Variants in MAN2B2 observed in about 807,000 individuals in gnomAD.
MAN2B2 encodes mannosidase alpha class 2B member 2, also known as epididymis-specific alpha-mannosidase.
Under a neutral mutation model 117.1 loss-of-function variants are expected in MAN2B2, and 106 were observed. The ratio of observed to expected loss-of-function variants is 0.90; its 90% CI spans 0.77 to 1.06. MAN2B2 has a LOEUF of 1.06. Ranked by LOEUF, MAN2B2 falls within the 50% of genes least tolerant of loss-of-function variation. The pLI is 0.00. For synonymous variants in MAN2B2, 544 were observed against 595.1 expected, an observed-to-expected ratio of 0.91 and a Z score of 1.25; for missense variants, 1,326 against 1,381.4, an observed-to-expected ratio of 0.96 and a Z score of 0.64.
At position 6,609,249 on chromosome 4, in the gene MAN2B2, G is replaced by A; in HGVS notation, c.1957G>A (p.Glu653Lys). The A allele has an allele frequency of 6.2e-7, 1 of 1,614,240 alleles. No individual in the cohort carries two copies. The highest frequency in any genetic ancestry group is 1.3e-5 in the African/African-American group (1 of 75,066). The change falls in exon 12 of 19, where the codon GAG (glutamate) becomes AAG (lysine). Residue 653 changes from glutamate to lysine, a missense_variant. By Grantham distance (56) the Glu-to-Lys change is moderately conservative (BLOSUM62 1). Transcript: ENST00000285599. ...GCCTGCGTGGGAAGCTGTGGAAATGGAGATTGTGGCGGGACAGCTTGTGAC... is the reference window on the plus strand; with the variant it reads ...GCCTGCGTGGGAAGCTGTGGAAATGAAGATTGTGGCGGGACAGCTTGTGAC... ...AVPAWEAVEM[E>K]IVAGQLVTEI...
intron 16 of MAN2B2, among the ~76,000 whole-genome samples, chr4:6,614,613 C>T (rs957799528): frequency 6.6e-6 from 1 of 152,176 alleles, no homozygotes; most frequent in Non-Finnish European, 1.5e-5. Flanking sequence ...CTCAGCCTGC[C>T]ACCCCCAGCT....
chr4:6,596,533 C>A (rs1366759130), intron 7 of MAN2B2, among the ~76,000 whole-genome samples: 1 of 152,136 alleles, frequency 6.6e-6, no homozygotes, highest in Non-Finnish European at 1.5e-5. Flanking sequence ...CCTGCATGGG[C>A]CCTGGGCATC....
At chr4:6,600,859 CTTTG>C in intron 10 of MAN2B2, 103 bp downstream of exon 10, 1 of 1,388,862 alleles carries the variant, frequency 7.2e-7, no homozygotes, top group Non-Finnish European at 9.7e-7. Flanking sequence ...GCCTTATCAC[CTTTG>C]TTTTACAGAA....
chr4:6,584,959 C>T (rs192723052), intron 3 of MAN2B2, among the ~76,000 whole-genome samples: 5 of 152,260 alleles, frequency 3.3e-5, no homozygotes, highest in Middle Eastern at 3.4e-3. Flanking sequence ...GGTGCGAGGC[C>T]GTACCCTCCA....
chr4:6,615,348 C>T (rs1019927592), intron 16 of MAN2B2, among the ~76,000 whole-genome samples: 2 of 152,170 alleles, frequency 1.3e-5, no homozygotes, highest in Admixed American at 6.5e-5. Context: ...CTGTGTGGGA[C>T]ACAGGAGGCC....
At chr4:6,583,554 T>C (rs1726523644) in intron 3 of MAN2B2, among the ~76,000 whole-genome samples, 1 of 152,178 alleles carries the variant, frequency 6.6e-6, no homozygotes, top group African/African-American at 2.4e-5. Context: ...CTGTTAGTGG[T>C]GGAAGGTATC....
At chr4:6,612,693 T>G (rs939307711) in intron 15 of MAN2B2, among the ~76,000 whole-genome samples, 1 of 152,262 alleles carries the variant, frequency 6.6e-6, no homozygotes, top group African/African-American at 2.4e-5. Context: ...TGGTTCCTTC[T>G]GTGTAGCTGG....
intron 4 of MAN2B2, 97 bp downstream of exon 4, chr4:6,587,265 T>C (rs970559826): frequency 1.9e-5 from 27 of 1,438,274 alleles, no homozygotes; most frequent in Non-Finnish European, 2.4e-5. Flanking sequence ...TATGCCGAAG[T>C]GTTCGGAAAT....
chr4:6,579,328 C>CCAT (rs1726308842), intron 3 of MAN2B2, among the ~76,000 whole-genome samples: 1 of 84,992 alleles, frequency 1.2e-5, no homozygotes, highest in African/African-American at 4.4e-5. Flanking sequence ...ATCACCACCA[C>CCAT]CACCACCACC....
intron 5 of MAN2B2, among the ~76,000 whole-genome samples, chr4:6,592,059 G>A (rs910771146): frequency 6.6e-6 from 1 of 152,232 alleles, no homozygotes; most frequent in African/African-American, 2.4e-5. Context: ...TCCACGTGGT[G>A]GCAGCAGTCA....
intron 17 of MAN2B2, 122 bp downstream of exon 17, chr4:6,617,614 G>C: frequency 6.6e-7 from 1 of 1,524,214 alleles, no homozygotes; most frequent in Non-Finnish European, 8.8e-7. Context: ...GCTGGTATGG[G>C]CCCCACCCCG....
intron 3 of MAN2B2, 59 bp downstream of exon 3, chr4:6,578,557 TG>T: frequency 7.1e-7 from 1 of 1,406,304 alleles, no homozygotes; most frequent in Non-Finnish European, 9.9e-7. Flanking sequence ...GGCTGGGACA[TG>T]GTATCAGAAC....
rs55997600 is a variant in MAN2B2 at position 6,575,201 on chromosome 4, T to G, written c.-10T>G. 5,562 of 1,427,574 alleles carry G rather than the reference T, an allele frequency of 3.9e-3. 175 individuals are homozygous for G. The African/African-American group carries it at 0.068, about 18-fold the overall frequency. 88.4% of individuals were successfully genotyped at this position (1,427,574 alleles called of 1,614,324 possible). On this transcript the variant is annotated 5_prime_UTR_variant, in exon 1 of 19. Transcript: ENST00000285599. ...AAGTGGGCCTGGCACCTTCCCGGCC[T>G]GCCGCAGGGATGGGGCAGCTGTGCT... is the stretch of plus-strand genomic sequence containing the variant.
Position 6,576,571 on chromosome 4 carries a change from T to TC in MAN2B2, c.139-3dup, listed in dbSNP as rs1404019568. ...CCGGGGCTGGCATGATGCTGTCCCC[T>TC]CCCCAGGAAAGCATGCGGGCGTACG... On this transcript the variant is annotated splice_region_variant and splice_polypyrimidine_tract_variant and intron_variant, in intron 1 of 18. Coordinates refer to ENST00000285599, the MANE Select transcript of MAN2B2 (RefSeq NM_015274.3). 2 of 1,606,554 alleles carry TC rather than the reference T, an allele frequency of 1.2e-6. No individual in the cohort carries two copies. Among genetic ancestry groups the TC allele is most frequent in the East Asian group, 2.3e-5 (1 of 44,374 alleles).
chr4:6,605,598 ACT>A (rs1727513436), intron 11 of MAN2B2, among the ~76,000 whole-genome samples: 2 of 152,068 alleles, frequency 1.3e-5, no homozygotes, highest in African/African-American at 4.8e-5. Flanking sequence ...AAAAATTACC[ACT>A]TTTTTTTTAA....
chr4:6,605,264 GGC>G lies in MAN2B2; in HGVS notation c.1750_1751del (p.Ala584LysfsTer24). 6.2e-7 allele frequency: 1 copy of G among 1,614,192 alleles called. No homozygotes were observed. The highest frequency in any genetic ancestry group is 1.3e-5 in the African/African-American group (1 of 75,058). On this transcript the variant is annotated frameshift_variant, in exon 11 of 19. Transcript: ENST00000285599. LOFTEE classifies it high-confidence loss of function. ...ATGCGGGCAGGTACTTGGTGCCTGT[GGC>G]AAACGACTGCTACATTGTGCTGCTC... The part of the protein sequence containing the change: ...SHAGRYLVPV[A>X]NDCYIVLLDQ...
chr4:6,597,477 G>A (rs1347383041), intron 8 of MAN2B2, among the ~76,000 whole-genome samples, 174 bp downstream of exon 8: 2 of 152,252 alleles, frequency 1.3e-5, no homozygotes, highest in African/African-American at 4.8e-5. Context: ...CCAGGCCAAG[G>A]CTGAGACCAC....
chr4:6,600,680 C>T lies in MAN2B2; in HGVS notation c.1463C>T (p.Thr488Ile). ...SVYNPLAWTV[T>I]TIVTLTVGFP... is the part of the protein sequence containing the mutation. Reference sequence around the variant, plus strand: ...TACAACCCGCTGGCCTGGACGGTCACCACCATCGTCACCCTGACTGTTGGT... The same window carrying T: ...TACAACCCGCTGGCCTGGACGGTCATCACCATCGTCACCCTGACTGTTGGT... The change falls in exon 10 of 19, where the codon ACC becomes ATC. Residue 488 changes from threonine to isoleucine, a missense_variant. By Grantham distance (89) the Thr-to-Ile change is moderately conservative. Transcript: ENST00000285599. 1 of 1,614,070 alleles carries T rather than the reference C, an allele frequency of 6.2e-7. No homozygotes were observed. Among genetic ancestry groups the T allele is most frequent in the Non-Finnish European group, 8.5e-7 (1 of 1,180,036 alleles).
At chr4:6,611,420 C>T (rs1711549491) in intron 15 of MAN2B2, 142 bp downstream of exon 15, 1 of 817,070 alleles carries the variant, frequency 1.2e-6, no homozygotes, top group Admixed American at 3.1e-5. Context: ...TAGCCCAAGC[C>T]CCTCATTTAA....
Sources: gnomAD v4.1 joint callset for allele counts (sites outside exome capture counted in the v4.1 genomes callset) on GRCh38, gnomAD v4.1.1 for gene constraint, MANE v1.5 for transcripts, NCBI Gene and HGNC (gene_info 2026-07-23, HGNC 2026-07-21) for gene names.